The following LNX1 variants were observed in gnomAD, a reference collection of about 807,000 sequenced individuals.
LNX1 encodes the protein E3 ubiquitin-protein ligase LNX.
Under a neutral mutation model 68.4 loss-of-function variants are expected in LNX1, and 54 were observed. That is an observed-to-expected ratio of 0.79 (90% confidence interval 0.63 to 0.99). The LOEUF is 0.99. Among genes scored for constraint, LNX1 ranks in the 50% least tolerant of loss-of-function variants. LNX1 has a pLI of 0.00. For synonymous variants in LNX1, 336 were observed against 350.0 expected (o/e 0.96, Z 0.45); for missense variants, 906 against 926.4 (o/e 0.98, Z 0.29).
At chr4:53,484,210 A>G (rs966214320) in intron 6 of LNX1, among the ~76,000 whole-genome samples, 1 of 152,196 alleles carries the variant, frequency 6.6e-6, no homozygotes, top group African/African-American at 2.4e-5. Context: ...TTGTTATAGC[A>G]GCATGAATGG....
At chr4:53,559,829 A>AAAT (rs59746479) in intron 2 of LNX1, among the ~76,000 whole-genome samples, 2 of 150,962 alleles carry the variant, frequency 1.3e-5, no homozygotes, top group African/African-American at 4.9e-5. Context: ...AAAAAAAAAA[A>AAAT]TTAAAATCTT....
At chr4:53,605,620 A>G (rs1733197774) in intron 2 of LNX1, among the ~76,000 whole-genome samples, 1 of 151,834 alleles carries the variant, frequency 6.6e-6, no homozygotes, top group Non-Finnish European at 1.5e-5. Context: ...CCATCATTAT[A>G]CTCTGTTTCT....
chr4:53,496,531 C>G (rs751641166), intron 5 of LNX1, 137 bp from the exon 6 acceptor site: 1 of 1,099,132 alleles, frequency 9.1e-7, no homozygotes, highest in African/African-American at 1.6e-5. Flanking sequence ...GTCCAATAAC[C>G]GCACCTTCCA....
At chr4:53,579,001 G>A (rs977591413) in intron 1 of LNX1, among the ~76,000 whole-genome samples, 1 of 152,032 alleles carries the variant, frequency 6.6e-6, no homozygotes, top group African/African-American at 2.4e-5. Context: ...CACGTTTTCA[G>A]ACATATCAGA....
intron 2 of LNX1, chr4:53,549,345 T>C (rs1277584844): frequency 6.6e-6 from 1 of 152,022 alleles, no homozygotes; most frequent in Non-Finnish European, 1.5e-5. Context: ...GTTCTATTTT[T>C]CTCTTTTTCA....
intron 2 of LNX1, among the ~76,000 whole-genome samples, chr4:53,559,198 T>C (rs1335269953): frequency 6.6e-6 from 1 of 152,174 alleles, no homozygotes; most frequent in African/African-American, 2.4e-5. Context: ...CATTAGGAAT[T>C]TGGCATCAGA....
At chr4:53,537,405 T>C (rs1728450111) in intron 2 of LNX1, among the ~76,000 whole-genome samples, 1 of 152,204 alleles carries the variant, frequency 6.6e-6, no homozygotes, top group Non-Finnish European at 1.5e-5. Context: ...ATCTAGTTCA[T>C]GGATGGAGAA....
chr4:53,559,168 G>A lies in LNX1; in HGVS notation c.380+14455C>T, dbSNP rs541976550. On this transcript the variant is annotated intron_variant, in intron 2 of 10. Transcript: ENST00000263925. ...GAGAAAAGTCTACAGGATGAGACGA[G>A]TTGCAATGAACTGCGTAGTCATTAG... 3.3e-5 allele frequency among the ~76,000 whole-genome samples: 5 copies of A among 152,328 alleles called. No individual in the cohort carries two copies. In the East Asian group the frequency reaches 9.6e-4, roughly 29 times the overall value.
At chr4:53,498,450 A>C (rs1725236078) in intron 5 of LNX1, among the ~76,000 whole-genome samples, 191 bp downstream of exon 5, 1 of 152,178 alleles carries the variant, frequency 6.6e-6, no homozygotes, top group East Asian at 1.9e-4. Flanking sequence ...AGAGAGTGAA[A>C]GAGCAAGACA....
At chr4:53,642,493 G>T (rs758349941) in intron 1 of LNX1, among the ~76,000 whole-genome samples, 4 of 152,090 alleles carry the variant, frequency 2.6e-5, no homozygotes, top group Non-Finnish European at 4.4e-5. Context: ...GGTCCTGAGG[G>T]GCCAGCACCA....
intron 1 of LNX1, among the ~76,000 whole-genome samples, chr4:53,628,796 T>C (rs576758978): frequency 2.6e-5 from 4 of 152,184 alleles, no homozygotes; most frequent in Admixed American, 1.3e-4. Flanking sequence ...TACTCAGCCA[T>C]AAAAAGAAAT....
Position 53,496,316 on chromosome 4 carries a change from G to T in LNX1, c.1057C>A (p.Leu353Met), listed in dbSNP as rs1411711062. The T allele has an allele frequency of 6.2e-7, 1 of 1,614,060 alleles. No homozygotes were observed. Residue 353 changes from leucine (L) to methionine (M), a missense_variant, in exon 6 of 11, where the codon CTG becomes ATG. Physicochemically the swap from Leu to Met is conservative, Grantham distance 15 (BLOSUM62 2). Coordinates refer to ENST00000263925, the MANE Select transcript of LNX1 (RefSeq NM_001126328.3). ...LLRQPCQVLW[L>M]TVMREQKFRS... Reference sequence around the variant, plus strand: ...AACTTCTGTTCACGCATCACAGTCAGCCACAGCACCTGGCAGGGCTGCCGC... The same window carrying T: ...AACTTCTGTTCACGCATCACAGTCATCCACAGCACCTGGCAGGGCTGCCGC...
At chr4:53,649,273 G>A (rs1290344937) in intron 1 of LNX1, among the ~76,000 whole-genome samples, 3 of 152,058 alleles carry the variant, frequency 2.0e-5, no homozygotes. Context: ...TGTTATTATT[G>A]TTTTCCATAT....
intron 4 of LNX1, among the ~76,000 whole-genome samples, chr4:53,505,402 C>A (rs1161065866): frequency 6.6e-6 from 1 of 152,102 alleles, no homozygotes; most frequent in Non-Finnish European, 1.5e-5. Flanking sequence ...AGGTGCCCGC[C>A]ACCATGCCCT....
At chr4:53,553,570 A>G (rs1338764053) in intron 2 of LNX1, among the ~76,000 whole-genome samples, 1 of 152,214 alleles carries the variant, frequency 6.6e-6, no homozygotes, top group Non-Finnish European at 1.5e-5. Flanking sequence ...GGCTGTTTCC[A>G]TGCTCATGCC....
intron 7 of LNX1, among the ~76,000 whole-genome samples, chr4:53,479,237 C>A (rs537993532): frequency 5.3e-4 from 81 of 152,300 alleles, no homozygotes; most frequent in African/African-American, 1.9e-3. Flanking sequence ...CAAAATTTCT[C>A]AAGTGAGTCA....
At chr4:53,464,371 T>C (rs1226251262) in intron 9 of LNX1, among the ~76,000 whole-genome samples, 1 of 147,530 alleles carries the variant, frequency 6.8e-6, no homozygotes, top group African/African-American at 2.5e-5. Context: ...TCCTAGTTTA[T>C]TGTAGACTAA....
At chr4:53,478,157 AATCT>A (rs1723682877) in intron 8 of LNX1, among the ~76,000 whole-genome samples, 1 of 152,180 alleles carries the variant, frequency 6.6e-6, no homozygotes. Context: ...CATTGAATCA[AATCT>A]ATCAAATGAC....
In LNX1 at chr4:53,574,044, A is replaced by G. The variant is rs769343907; in HGVS notation, c.-42T>C. 1 of 1,564,516 alleles carries G rather than the reference A, an allele frequency of 6.4e-7. No homozygotes were observed. On this transcript the variant is annotated 5_prime_UTR_variant, in exon 2 of 11. Coordinates refer to ENST00000263925, the MANE Select transcript of LNX1 (RefSeq NM_001126328.3). The stretch of plus-strand genomic sequence containing the variant: ...GTATAACAGGAAACTCAGTCACACA[A>G]TATTTCCTCAGGAGCAAGTCAAGAT...
Sources: gnomAD v4.1 joint callset for allele counts (sites outside exome capture counted in the v4.1 genomes callset) on GRCh38, gnomAD v4.1.1 for gene constraint, MANE v1.5 for transcripts, NCBI Gene and HGNC (gene_info 2026-07-23, HGNC 2026-07-21) for gene names.